Variants in RALGPS1 observed in about 807,000 individuals in gnomAD.
RALGPS1 encodes the protein ras-specific guanine nucleotide-releasing factor RalGPS1.
RALGPS1 carries 19 observed loss-of-function variants against 78.8 expected under a neutral mutation model. That is an observed-to-expected ratio of 0.24 (90% CI 0.17 to 0.35). RALGPS1 has a LOEUF of 0.35. RALGPS1 is among the 10% of genes least tolerant of loss of function. The pLI is 1.00. For synonymous variants in RALGPS1, 228 were observed against 256.3 expected (o/e 0.89, Z 1.06); for missense variants, 454 against 688.3 (o/e 0.66, Z 3.81).
At chr9:127,163,175 C>G (rs2059116583) in intron 8 of RALGPS1, among the ~76,000 whole-genome samples, 1 of 152,150 alleles carries the variant, frequency 6.6e-6, no homozygotes, top group Non-Finnish European at 1.5e-5. Flanking sequence ...TAAAGCTGCC[C>G]TATGTCCCAC....
intron 9 of RALGPS1, among the ~76,000 whole-genome samples, chr9:127,167,003 C>T (rs1345267365): frequency 7.2e-6 from 1 of 138,348 alleles, no homozygotes; most frequent in African/African-American, 2.8e-5. Context: ...GGTTAGTCAG[C>T]GGAAGTCAGC....
intron 8 of RALGPS1, among the ~76,000 whole-genome samples, chr9:127,145,955 T>C (rs72764394): frequency 0.38 from 57,383 of 152,220 alleles, 12,661 homozygotes; most frequent in Non-Finnish European, 0.48. Context: ...ATTTGTTTAC[T>C]GTCTGGCAGC....
Position 127,091,560 on chromosome 9 carries a change from T to G in RALGPS1, c.610+22204T>G. ...ACAGGGTCAGGCAGCTTGGCCCAGCTGCTTCTCACCCTGGGATCTTCCCGT... is the reference window on the plus strand; with the variant it reads ...ACAGGGTCAGGCAGCTTGGCCCAGCGGCTTCTCACCCTGGGATCTTCCCGT... On this transcript the variant is annotated intron_variant, in intron 8 of 18. Transcript: ENST00000259351. The surrounding 1 kb of genome is among the most constrained non-coding windows in gnomAD (Gnocchi z 4.3). 5 of 1,448,512 alleles carry G rather than the reference T, an allele frequency of 3.5e-6. No homozygotes were observed. Among genetic ancestry groups the G allele is most frequent in the Non-Finnish European group, 4.6e-6 (5 of 1,076,978 alleles). 89.7% of individuals were successfully genotyped at this position (1,448,512 alleles called of 1,614,324 possible).
chr9:127,028,483 C>T lies in RALGPS1; in HGVS notation c.217-5948C>T, dbSNP rs575462588. Reference sequence around the variant, plus strand: ...GTGTGTAGCACAGTTCCTGGCACAACGTAGGTGCTCAATAAATCTTGCTGG... The same window carrying T: ...GTGTGTAGCACAGTTCCTGGCACAATGTAGGTGCTCAATAAATCTTGCTGG... On this transcript the variant is annotated intron_variant, in intron 4 of 18. Transcript: ENST00000259351. 4.6e-5 allele frequency among the ~76,000 whole-genome samples: 7 copies of T among 152,330 alleles called. No individual in the cohort carries two copies. The East Asian group carries it at 7.7e-4, about 17-fold the overall frequency.
At chr9:126,993,019 G>C (rs1193303756) in intron 4 of RALGPS1, among the ~76,000 whole-genome samples, 5 of 152,084 alleles carry the variant, frequency 3.3e-5, no homozygotes, top group African/African-American at 4.8e-5. Context: ...TTTTCATAGA[G>C]GTCTTTTTAT....
At chr9:127,190,947 T>TA (rs1430662857) in intron 11 of RALGPS1, among the ~76,000 whole-genome samples, 1 of 152,254 alleles carries the variant, frequency 6.6e-6, no homozygotes, top group Non-Finnish European at 1.5e-5. Flanking sequence ...AATAAAAAGA[T>TA]ATCTCCTTTT....
At chr9:127,009,511 T>G (rs1165856206) in intron 4 of RALGPS1, among the ~76,000 whole-genome samples, 1 of 152,224 alleles carries the variant, frequency 6.6e-6, no homozygotes, top group Non-Finnish European at 1.5e-5. Context: ...GGATCTGATT[T>G]CATTATTAAT....
At position 127,083,012 on chromosome 9, in the gene RALGPS1, C is replaced by T. The variant is rs114513832; in HGVS notation, c.610+13656C>T. On this transcript the variant is annotated intron_variant, in intron 8 of 18. Transcript: ENST00000259351. ...GCTTAGAAGGGTTGGATGTGATTTC[C>T]GGGATAGTGCAGGGGTCAGCAGCAG... 5.5e-3 allele frequency among the ~76,000 whole-genome samples: 835 copies of T among 152,224 alleles called. 11 individuals are homozygous for T. The highest frequency in any genetic ancestry group is 0.019 in the African/African-American group (800 of 41,522).
At chr9:127,056,534 A>C (rs1461245711) in intron 7 of RALGPS1, among the ~76,000 whole-genome samples, 1 of 152,194 alleles carries the variant, frequency 6.6e-6, no homozygotes, top group African/African-American at 2.4e-5. Context: ...TACATTTGGC[A>C]TAGAACATTT....
At chr9:127,001,086 TACAAAACAAA>T (rs60748253) in intron 4 of RALGPS1, among the ~76,000 whole-genome samples, 15,469 of 137,578 alleles carry the variant, frequency 0.11, 1,045 homozygotes, top group South Asian at 0.23. Flanking sequence ...ACTCTGTCTC[TACAAAACAAA>T]ACAAAACAAA....
intron 3 of RALGPS1, among the ~76,000 whole-genome samples, chr9:126,971,105 C>T (rs2040065384): frequency 6.6e-6 from 1 of 151,962 alleles, no homozygotes; most frequent in African/African-American, 2.4e-5. Flanking sequence ...AACTTTTTCA[C>T]ATGAAAATAA....
At chr9:126,980,315 G>T (rs2041123153) in intron 4 of RALGPS1, among the ~76,000 whole-genome samples, 4 of 152,240 alleles carry the variant, frequency 2.6e-5, no homozygotes, top group African/African-American at 9.6e-5. Flanking sequence ...AGTGACCTAT[G>T]CTCCCAGGAG....
At chr9:127,108,484 C>T (rs370920897) in intron 8 of RALGPS1, 34 of 1,612,522 alleles carry the variant, frequency 2.1e-5, no homozygotes, top group South Asian at 9.9e-5. Context: ...CTTATGCACT[C>T]GGTTCTCCAG....
intron 1 of RALGPS1, among the ~76,000 whole-genome samples, chr9:126,954,112 C>A (rs1482421640): frequency 1.3e-5 from 2 of 152,180 alleles, no homozygotes; most frequent in African/African-American, 4.8e-5. Context: ...TTCTTTGACC[C>A]CCAAAGGCAT....
At chr9:127,195,270 G>A (rs2061294325) in intron 12 of RALGPS1, 53 bp downstream of exon 12, 1 of 1,592,046 alleles carries the variant, frequency 6.3e-7, no homozygotes, top group Non-Finnish European at 8.5e-7. Flanking sequence ...CTGCACATGG[G>A]CCTGGGCACA....
At chr9:127,206,248 C>G (rs966367651) in intron 14 of RALGPS1, among the ~76,000 whole-genome samples, 2 of 152,228 alleles carry the variant, frequency 1.3e-5, no homozygotes, top group Admixed American at 6.5e-5. Context: ...GGCTGGGGCT[C>G]TGTGTACAGA....
intron 8 of RALGPS1, among the ~76,000 whole-genome samples, chr9:127,119,624 A>G (rs1403056460): frequency 6.6e-6 from 1 of 152,192 alleles, no homozygotes; most frequent in Admixed American, 6.5e-5. Context: ...GACATAATGT[A>G]TATGCCTTAT....
chr9:127,093,986 G>C lies in RALGPS1; in HGVS notation c.610+24630G>C, dbSNP rs1380997227. Reference sequence around the variant, plus strand: ...TGCCTGTCACCAGGCCGCACCCCCAGCTGCACCCCAAGCAGGCACAACCTC... The same window carrying C: ...TGCCTGTCACCAGGCCGCACCCCCACCTGCACCCCAAGCAGGCACAACCTC... On this transcript the variant is annotated intron_variant, in intron 8 of 18. Coordinates refer to ENST00000259351, the MANE Select transcript of RALGPS1 (RefSeq NM_014636.3). 3.2e-6 allele frequency: 5 copies of C among 1,565,672 alleles called. No individual in the cohort carries two copies. In the African/African-American group the frequency reaches 6.8e-5, roughly 21 times the overall value.
intron 1 of RALGPS1, among the ~76,000 whole-genome samples, chr9:126,938,795 A>G (rs1414519340): frequency 2.6e-5 from 4 of 152,238 alleles, no homozygotes; most frequent in African/African-American, 9.6e-5. Context: ...TAGATGCTCT[A>G]AAAGCTGTAG....
Sources: allele counts gnomAD v4.1 joint callset (sites outside exome capture counted in the v4.1 genomes callset), GRCh38; gene constraint gnomAD v4.1.1; non-coding constraint Gnocchi (gnomAD v3.1); transcripts MANE v1.5; gene names NCBI Gene and HGNC (gene_info 2026-07-23, HGNC 2026-07-21).